The following MAGEB3 variants were observed in gnomAD, a reference collection of about 807,000 sequenced individuals.
MAGEB3 encodes the protein MAGE family member B3.
For missense variants in MAGEB3, 191 were observed against 262.4 expected (o/e 0.73, Z 1.88); for synonymous variants, 91 against 93.0 (o/e 0.98, Z 0.12).
rs1941797700 is a variant in MAGEB3 at position 30,236,830 on chromosome X, G to A, written c.906G>A (p.Ala302=). 11 of 1,210,297 alleles carry A rather than the reference G, an allele frequency of 9.1e-6. No homozygotes were observed. Among genetic ancestry groups the A allele is most frequent in the East Asian group, 5.9e-5 (2 of 33,793 alleles). Residue 302 remains alanine (A), a synonymous_variant, in exon 5 of 5, where the codon GCG becomes GCA. Coordinates refer to ENST00000361644, the MANE Select transcript of MAGEB3 (RefSeq NM_002365.5). ...WAKVNKTVPS[A]FQFWYEEALR... is the part of the protein sequence containing the mutation. ...AGGTCAATAAAACTGTCCCCAGTGC[G>A]TTCCAGTTCTGGTATGAAGAGGCTT...
chrX:30,236,857 G>A lies in MAGEB3; in HGVS notation c.933G>A (p.Leu311=). Residue 311 remains leucine (L), a synonymous_variant, in exon 5 of 5, where the codon TTG becomes TTA. Transcript: ENST00000361644. ...TCCAGTTCTGGTATGAAGAGGCTTT[G>A]AGAGATGAGGAAGAAAGAGTCCAAG... ...SAFQFWYEEA[L]RDEEERVQAA... The A allele has an allele frequency of 8.3e-7, 1 of 1,211,717 alleles. No individual in the cohort carries two copies. Among genetic ancestry groups the A allele is most frequent in the East Asian group, 3.0e-5 (1 of 33,854 alleles).
chrX:30,233,764 G>A (rs1488695738), intron 4 of MAGEB3, among the ~76,000 whole-genome samples: 8 of 112,051 alleles, frequency 7.1e-5, no homozygotes, highest in Non-Finnish European at 1.1e-4. Flanking sequence ...GACCCAGAGC[G>A]GGACGTGTCT....
In MAGEB3 at chrX:30,236,354, A is replaced by G. The variant is rs760122075; in HGVS notation, c.430A>G (p.Ser144Gly). Reference protein sequence around the residue: ...KADMLKIVQKSHKNCFPEILK... With the variant: ...KADMLKIVQKGHKNCFPEILK... Reference sequence around the variant, plus strand: ...AGATATGCTAAAAATTGTCCAAAAAAGCCATAAGAATTGCTTCCCTGAGAT... The same window carrying G: ...AGATATGCTAAAAATTGTCCAAAAAGGCCATAAGAATTGCTTCCCTGAGAT... The change falls in exon 5 of 5, where the codon AGC becomes GGC. Residue 144 changes from serine (S) to glycine (G), a missense_variant. Transcript: ENST00000361644. The G allele has an allele frequency of 1.7e-6, 2 of 1,210,024 alleles. No homozygotes were observed.
At chrX:30,231,989 G>T (rs1924809275) in intron 2 of MAGEB3, among the ~76,000 whole-genome samples, 1 of 112,083 alleles carries the variant, frequency 8.9e-6, no homozygotes, top group Non-Finnish European at 1.9e-5. Context: ...GGGTCCCAGC[G>T]TGTCACCCGC....
In MAGEB3 at chrX:30,236,732, C is replaced by A. The variant is rs139917714; in HGVS notation, c.808C>A (p.Arg270Ser). 51 of 1,210,679 alleles carry A rather than the reference C, an allele frequency of 4.2e-5. No homozygotes were observed. In the African/African-American group the frequency reaches 6.4e-4, roughly 15 times the overall value. Residue 270 changes from arginine to serine, a missense_variant, in exon 5 of 5, where the codon CGC (arginine) becomes AGC (serine). Transcript: ENST00000361644. ...YRQVPNSNPA[R>S]YEFLWGPRAH... is the part of the protein sequence containing the mutation. ...ACAAGTGCCCAACAGTAATCCTGCA[C>A]GCTATGAATTCCTGTGGGGTCCAAG...
intron 4 of MAGEB3, among the ~76,000 whole-genome samples, chrX:30,233,699 C>T (rs1354625504): frequency 9.0e-6 from 1 of 111,488 alleles, no homozygotes. Context: ...CTAGGGACCA[C>T]TGACTCCAGA....
At chrX:30,235,244 A>G (rs1924942679) in intron 4 of MAGEB3, among the ~76,000 whole-genome samples, 1 of 111,646 alleles carries the variant, frequency 9.0e-6, no homozygotes, top group Admixed American at 9.5e-5. Context: ...ATGTGAACTC[A>G]CCTTCTTTTA....
chrX:30,232,485 G>A lies in MAGEB3; in HGVS notation c.-253-342G>A, dbSNP rs1425184031. Among the ~76,000 whole-genome samples the A allele has an allele frequency of 6.0e-4, 64 of 106,212 alleles. 1 individual carries two copies. The highest frequency in any genetic ancestry group is 2.2e-3 in the African/African-American group (63 of 29,243). The allele number at this position is 106,212 out of a possible 115,157, so 92.2% of individuals were successfully genotyped here. ...AAAAAAAAAAAATGGCGGGGCAGCA[G>A]TGGAGCACCCCTGTAGTCCCAGCTA... On this transcript the variant is annotated intron_variant, in intron 2 of 4. Transcript: ENST00000361644.
At chrX:30,231,268 A>C (rs1172879374) in intron 1 of MAGEB3, among the ~76,000 whole-genome samples, 1 of 106,755 alleles carries the variant, frequency 9.4e-6, no homozygotes, top group East Asian at 2.9e-4. Flanking sequence ...CAGTGAGCCA[A>C]GGTCACGCCA....
intron 2 of MAGEB3, among the ~76,000 whole-genome samples, 177 bp from the exon 3 acceptor site, chrX:30,232,650 G>T (rs1156855254): frequency 2.9e-5 from 3 of 104,316 alleles, no homozygotes; most frequent in Non-Finnish European, 5.9e-5. Context: ...CGGCGCACGT[G>T]TAGTCCCAGC....
intron 4 of MAGEB3, among the ~76,000 whole-genome samples, chrX:30,233,725 C>T (rs1363671271): frequency 1.8e-5 from 2 of 111,742 alleles, no homozygotes; most frequent in Non-Finnish European, 3.8e-5. Context: ...GGGGTCCCAG[C>T]GTGTCACCCC....
intron 1 of MAGEB3, 25 bp from the exon 2 acceptor site, chrX:30,231,492 T>A (rs1322836092): frequency 1.4e-4 from 13 of 94,791 alleles, no homozygotes; most frequent in Non-Finnish European, 2.3e-4. Flanking sequence ...TAAATAAATA[T>A]AAACTTTTTT....
At position 30,236,056 on chromosome X, in the gene MAGEB3, T is replaced by C. The variant is rs201088914; in HGVS notation, c.132T>C (p.Leu44=). The part of the protein sequence containing the change: ...NKKKVSFSSP[L]ILGATIQKKS... ...AAAAAGTATCCTTTTCATCCCCTCTTATTTTGGGGGCTACTATCCAGAAAA... is the reference window on the plus strand; with the variant it reads ...AAAAAGTATCCTTTTCATCCCCTCTCATTTTGGGGGCTACTATCCAGAAAA... The change falls in exon 5 of 5, where the codon CTT becomes CTC. Residue 44 remains leucine (L), a synonymous_variant. Transcript: ENST00000361644. The C allele has an allele frequency of 1.1e-3, 1,297 of 1,209,207 alleles. 2 individuals are homozygous for C. The highest frequency in any genetic ancestry group is 1.4e-3 in the Non-Finnish European group (1,256 of 894,772).
At chrX:30,235,366 A>G (rs1431723166) in intron 4 of MAGEB3, among the ~76,000 whole-genome samples, 2 of 111,426 alleles carry the variant, frequency 1.8e-5, no homozygotes, top group East Asian at 5.6e-4. Flanking sequence ...ATGAGGTGTC[A>G]GGACTCCAAT....
chrX:30,237,137 C>A lies in MAGEB3; in HGVS notation c.*172C>A. On this transcript the variant is annotated 3_prime_UTR_variant, in exon 5 of 5. Transcript: ENST00000361644. ...TTTGGGGCATATTTTTCAAATGTTCCTTTTATTTAACATTGTAATCTAAGT... is the reference window on the plus strand; with the variant it reads ...TTTGGGGCATATTTTTCAAATGTTCATTTTATTTAACATTGTAATCTAAGT... The A allele has an allele frequency of 2.6e-6, 1 of 390,775 alleles. No individual in the cohort carries two copies. The highest frequency in any genetic ancestry group is 4.0e-5 in the East Asian group (1 of 24,818). 32.2% of individuals were successfully genotyped at this position (390,775 alleles called of 1,213,427 possible).
rs1924970399 is a variant in MAGEB3, at chrX:30,236,116, G to A, written c.192G>A (p.Lys64=). 8.3e-7 allele frequency: 1 copy of A among 1,205,274 alleles called. No individual in the cohort carries two copies. Among genetic ancestry groups the A allele is most frequent in the Admixed American group, 2.2e-5 (1 of 45,497 alleles). The change falls in exon 5 of 5, where the codon AAG becomes AAA. Residue 64 remains lysine, a synonymous_variant. Transcript: ENST00000361644. ...GTAGGTCACGTAGTGCTCTCAAGAAGCCTCAGAGAGCACTATCCACCACTA... is the reference window on the plus strand; with the variant it reads ...GTAGGTCACGTAGTGCTCTCAAGAAACCTCAGAGAGCACTATCCACCACTA... The part of the protein sequence containing the change: ...SAGRSRSALK[K]PQRALSTTTS...
At chrX:30,232,585 C>A (rs1309673321) in intron 2 of MAGEB3, among the ~76,000 whole-genome samples, 4 of 104,124 alleles carry the variant, frequency 3.8e-5, no homozygotes, top group Non-Finnish European at 7.9e-5. Flanking sequence ...CACGCCACTG[C>A]GCTCCAGCCT....
chrX:30,235,915 T>A lies in MAGEB3; in HGVS notation c.-10T>A. On this transcript the variant is annotated 5_prime_UTR_variant, in exon 5 of 5. Transcript: ENST00000361644. ...GACACTCCTGCCTGCTGTTCCTGACTACAGCCATCATGCCTCGGGGTCAGA... is the reference window on the plus strand; with the variant it reads ...GACACTCCTGCCTGCTGTTCCTGACAACAGCCATCATGCCTCGGGGTCAGA... 8.4e-7 allele frequency: 1 copy of A among 1,185,165 alleles called. No individual in the cohort carries two copies. Among genetic ancestry groups the A allele is most frequent in the Non-Finnish European group, 1.1e-6 (1 of 880,272 alleles).
chrX:30,233,755 AC>A (rs1200159570), intron 4 of MAGEB3, among the ~76,000 whole-genome samples: 1 of 111,686 alleles, frequency 9.0e-6, no homozygotes, highest in Non-Finnish European at 1.9e-5. Flanking sequence ...GCCCTCGGAG[AC>A]CCAGAGCGGG....
Sources: allele counts gnomAD v4.1 joint callset (sites outside exome capture counted in the v4.1 genomes callset), GRCh38; gene constraint gnomAD v4.1.1; transcripts MANE v1.5; gene names NCBI Gene and HGNC (gene_info 2026-07-23, HGNC 2026-07-21).